The following TYW1 variants were observed in gnomAD, a reference collection of about 807,000 sequenced individuals.
The protein encoded by TYW1 is tRNA-yW synthesizing protein 1 homolog.
TYW1 carries 46 observed loss-of-function variants against 96.2 expected under a neutral mutation model. That is an observed-to-expected ratio of 0.48 (90% CI 0.38 to 0.61). The LOEUF is 0.61. TYW1 is among the 20% of genes least tolerant of loss of function. The pLI is 0.00. For synonymous variants in TYW1, 274 were observed against 323.0 expected (o/e 0.85, Z 1.63); for missense variants, 684 against 909.6 (o/e 0.75, Z 3.19).
At chr7:67,097,002 AAT>A (rs1271145270) in intron 11 of TYW1, among the ~76,000 whole-genome samples, 2 of 151,952 alleles carry the variant, frequency 1.3e-5, no homozygotes, top group Non-Finnish European at 2.9e-5. Context: ...ACTGTGATTT[AAT>A]ATGTTTGGGA....
chr7:67,054,513 T>G (rs1484880579), intron 8 of TYW1, among the ~76,000 whole-genome samples: 3 of 152,178 alleles, frequency 2.0e-5, no homozygotes, highest in Non-Finnish European at 2.9e-5. Flanking sequence ...AGTCCTTTGT[T>G]TATTTATATG....
intron 8 of TYW1, among the ~76,000 whole-genome samples, chr7:67,051,739 T>TG (rs1432691796): frequency 3.3e-5 from 5 of 151,612 alleles, no homozygotes; most frequent in Admixed American, 6.6e-5. Context: ...TTTGTTTTTT[T>TG]TTTTTTTTCT....
At chr7:67,048,236 C>A (rs1422669504) in intron 7 of TYW1, among the ~76,000 whole-genome samples, 4 of 150,486 alleles carry the variant, frequency 2.7e-5, no homozygotes, top group Non-Finnish European at 5.9e-5. Context: ...TAGTTTGAAG[C>A]AAATGTCAGA....
At chr7:67,017,139 T>C (rs1794054185) in intron 5 of TYW1, among the ~76,000 whole-genome samples, 1 of 152,010 alleles carries the variant, frequency 6.6e-6, no homozygotes, top group Non-Finnish European at 1.5e-5. Flanking sequence ...TGTGCCACCA[T>C]GCCCCACTAA....
At chr7:67,045,488 G>A (rs1024648122) in intron 7 of TYW1, among the ~76,000 whole-genome samples, 15 of 151,980 alleles carry the variant, frequency 9.9e-5, no homozygotes, top group African/African-American at 3.6e-4. Flanking sequence ...AAAGTCCTGG[G>A]TTTACAGGCA....
intron 11 of TYW1, among the ~76,000 whole-genome samples, chr7:67,083,883 A>C (rs528779948): frequency 1.3e-5 from 2 of 152,246 alleles, no homozygotes; most frequent in Admixed American, 6.5e-5. Context: ...AAAAATGCAA[A>C]AATTAACTGG....
rs184187612 is a variant in TYW1 at position 67,116,991 on chromosome 7, G to T, written c.1563-492G>T. Reference sequence around the variant, plus strand: ...GTCCCACTTATGGAAGCATAGGTGTGACTCTGCGTCCTTTGAGTAAGGCCT... The same window carrying T: ...GTCCCACTTATGGAAGCATAGGTGTTACTCTGCGTCCTTTGAGTAAGGCCT... On this transcript the variant is annotated intron_variant, in intron 12 of 15. Transcript: ENST00000359626. Among the ~76,000 whole-genome samples, 10 of 152,296 alleles carry T rather than the reference G, an allele frequency of 6.6e-5. No individual in the cohort carries two copies. The East Asian group carries it at 1.9e-3, about 29-fold the overall frequency.
chr7:67,002,432 G>A lies in TYW1; in HGVS notation c.273+3478G>A, dbSNP rs1793432466. On this transcript the variant is annotated intron_variant, in intron 3 of 15. Transcript: ENST00000359626. ...GTTGGATTTGATTGATTCATATTTG[G>A]TCGTGTGTAGAAGACTATTAAAAAC... Among the ~76,000 whole-genome samples, 3 of 152,088 alleles carry A rather than the reference G, an allele frequency of 2.0e-5. No individual in the cohort carries two copies. In the South Asian group the frequency reaches 6.2e-4, roughly 32 times the overall value.
Position 67,238,440 on chromosome 7 carries a change from G to A in TYW1, c.2110G>A (p.Ala704Thr). Residue 704 changes from alanine (A) to threonine (T), a missense_variant, in exon 16 of 16, where the codon GCA (alanine) becomes ACA (threonine). By Grantham distance (58) the Ala-to-Thr change is moderately conservative. Coordinates refer to ENST00000359626, the MANE Select transcript of TYW1 (RefSeq NM_018264.4). ...KDYMARTPHW[A>T]LFGASERGFD... Reference sequence around the variant, plus strand: ...TTATATGGCCAGAACTCCTCACTGGGCATTATTTGGTGCCAGTGAAAGAGG... The same window carrying A: ...TTATATGGCCAGAACTCCTCACTGGACATTATTTGGTGCCAGTGAAAGAGG... 1 of 1,613,886 alleles carries A rather than the reference G, an allele frequency of 6.2e-7. No individual in the cohort carries two copies. The highest frequency in any genetic ancestry group is 1.7e-4 in the Middle Eastern group (1 of 6,056).
At chr7:67,003,632 C>G (rs1216535308) in intron 3 of TYW1, among the ~76,000 whole-genome samples, 1 of 151,986 alleles carries the variant, frequency 6.6e-6, no homozygotes, top group Non-Finnish European at 1.5e-5. Context: ...GTGACACAAT[C>G]CAAGGTTGGA....
chr7:67,198,099 C>T (rs1222243626), intron 15 of TYW1, among the ~76,000 whole-genome samples: 1 of 152,076 alleles, frequency 6.6e-6, no homozygotes, highest in Non-Finnish European at 1.5e-5. Flanking sequence ...CTTACAACCA[C>T]AATACAGTTA....
At chr7:67,087,819 G>T (rs761212594) in intron 11 of TYW1, among the ~76,000 whole-genome samples, 4 of 151,668 alleles carry the variant, frequency 2.6e-5, no homozygotes, top group Non-Finnish European at 5.9e-5. Flanking sequence ...CAGCACGTAG[G>T]CATAAGGGAG....
chr7:67,150,690 C>T (rs1333005550), intron 13 of TYW1, among the ~76,000 whole-genome samples: 1 of 152,054 alleles, frequency 6.6e-6, no homozygotes, highest in Non-Finnish European at 1.5e-5. Context: ...TTCTTTCTTG[C>T]AACTAAAATT....
At chr7:67,144,825 C>T (rs1798556444) in intron 13 of TYW1, among the ~76,000 whole-genome samples, 1 of 152,002 alleles carries the variant, frequency 6.6e-6, no homozygotes, top group Non-Finnish European at 1.5e-5. Context: ...TTCAATACAA[C>T]GTTTTTAACT....
chr7:67,148,550 C>T (rs1014669772), intron 13 of TYW1, among the ~76,000 whole-genome samples: 5 of 151,376 alleles, frequency 3.3e-5, no homozygotes, highest in African/African-American at 9.7e-5. Flanking sequence ...CTCAGCCTCC[C>T]GAGTAGCTGG....
At chr7:67,065,101 G>A (rs1277973226) in intron 9 of TYW1, among the ~76,000 whole-genome samples, 1 of 152,172 alleles carries the variant, frequency 6.6e-6, no homozygotes, top group Non-Finnish European at 1.5e-5. Context: ...CCTCTGGGAA[G>A]CTCTCACTGG....
At chr7:67,105,794 A>G (rs1667769654) in intron 12 of TYW1, among the ~76,000 whole-genome samples, 1 of 152,090 alleles carries the variant, frequency 6.6e-6, no homozygotes, top group Non-Finnish European at 1.5e-5. Flanking sequence ...AAGAAATCAT[A>G]TCACTTTGAG....
intron 11 of TYW1, among the ~76,000 whole-genome samples, chr7:67,094,157 C>T (rs1796812215): frequency 6.6e-6 from 1 of 152,014 alleles, no homozygotes; most frequent in Non-Finnish European, 1.5e-5. Context: ...ATCCATGTTC[C>T]TGTAAAGGAC....
intron 10 of TYW1, among the ~76,000 whole-genome samples, chr7:67,082,345 G>T (rs1796415955): frequency 6.6e-6 from 1 of 152,164 alleles, no homozygotes. Context: ...CCTCTAGACG[G>T]GTACAGTAGT....
Sources: gnomAD v4.1 joint callset for allele counts (sites outside exome capture counted in the v4.1 genomes callset) on GRCh38, gnomAD v4.1.1 for gene constraint, MANE v1.5 for transcripts, NCBI Gene and HGNC (gene_info 2026-07-23, HGNC 2026-07-21) for gene names.